NXPE2: variants seen among roughly 807,000 people sequenced by gnomAD.
The protein encoded by NXPE2 is neurexophilin and PC-esterase domain family member 2, also known as NXPE family member 2.
NXPE2 carries 34 observed loss-of-function variants against 34.4 expected under a neutral mutation model. The ratio of observed to expected loss-of-function variants is 0.99; its 90% CI spans 0.75 to 1.31. The LOEUF is 1.31. Among genes scored for constraint, NXPE2 ranks in the 40% most tolerant of loss-of-function variants. NXPE2 has a pLI of 0.00. For synonymous variants in NXPE2, 235 were observed against 231.3 expected (o/e 1.02, Z -0.15); for missense variants, 649 against 672.5 (o/e 0.97, Z 0.39).
the NXPE2 span, among the ~76,000 whole-genome samples, chr11:114,654,227 A>G: frequency 6.6e-6 from 1 of 152,060 alleles, no homozygotes; most frequent in Admixed American, 6.5e-5. Context: ...AGAGAAAAAC[A>G]CATCCAAAGC....
At chr11:114,525,772 G>A in the NXPE2 span, among the ~76,000 whole-genome samples, 1 of 152,186 alleles carries the variant, frequency 6.6e-6, no homozygotes, top group Non-Finnish European at 1.5e-5. Flanking sequence ...ACCATTTAGT[G>A]AAGTGTATAT....
chr11:114,620,732 A>T, the NXPE2 span, among the ~76,000 whole-genome samples: 9 of 151,740 alleles, frequency 5.9e-5, no homozygotes, highest in South Asian at 1.7e-3. Context: ...GGGTAACCAC[A>T]GTTACCCGAT....
At chr11:114,526,082 C>T in the NXPE2 span, among the ~76,000 whole-genome samples, 1 of 152,118 alleles carries the variant, frequency 6.6e-6, no homozygotes, top group African/African-American at 2.4e-5. Flanking sequence ...AAAGATGTGA[C>T]AGGAAAACTT....
At chr11:114,551,126 T>C in the NXPE2 span, 1 of 1,529,468 alleles carries the variant, frequency 6.5e-7, no homozygotes, top group Non-Finnish European at 8.8e-7. Context: ...TGAGAAATTA[T>C]AAAAATCATC....
chr11:114,601,763 G>T, the NXPE2 span, among the ~76,000 whole-genome samples: 2 of 66,772 alleles, frequency 3.0e-5, no homozygotes, highest in Admixed American at 2.8e-4. Flanking sequence ...ATATATATGT[G>T]ATTATATATT....
At chr11:114,607,318 T>C in the NXPE2 span, among the ~76,000 whole-genome samples, 66 of 139,220 alleles carry the variant, frequency 4.7e-4, no homozygotes, top group East Asian at 0.015. Flanking sequence ...TGGGTCACCA[T>C]TGTTAGCCCG....
At chr11:114,485,271 C>T in the NXPE2 span, among the ~76,000 whole-genome samples, 2,454 of 151,838 alleles carry the variant, frequency 0.016, 67 homozygotes, top group African/African-American at 0.056. Context: ...TGTAGTGGCA[C>T]GATCTTGGCT....
chr11:114,706,204 C>T (rs1329331617), intron 5 of NXPE2, among the ~76,000 whole-genome samples, 191 bp from the exon 6 acceptor site: 1 of 151,712 alleles, frequency 6.6e-6, no homozygotes, highest in East Asian at 1.9e-4. Flanking sequence ...TTTTCTTCCT[C>T]TTCATGTATT....
chr11:114,553,928 T>C, the NXPE2 span: 2 of 985,290 alleles, frequency 2.0e-6, no homozygotes, highest in African/African-American at 3.5e-5. Context: ...GATTTTTGTT[T>C]TTGTTTTCTG....
the NXPE2 span, among the ~76,000 whole-genome samples, chr11:114,805,044 T>C: frequency 6.6e-6 from 1 of 152,118 alleles, no homozygotes; most frequent in Admixed American, 6.6e-5. Context: ...GATTTCTCTC[T>C]TGTAGCTGCT....
the NXPE2 span, among the ~76,000 whole-genome samples, chr11:114,644,518 A>T: frequency 6.6e-6 from 1 of 152,178 alleles, no homozygotes; most frequent in African/African-American, 2.4e-5. Context: ...AACTTACTAA[A>T]AATGTAATAG....
chr11:114,714,008 CAT>C, the NXPE2 span, among the ~76,000 whole-genome samples: 1 of 152,212 alleles, frequency 6.6e-6, no homozygotes, highest in Non-Finnish European at 1.5e-5. Flanking sequence ...AAATCATTTC[CAT>C]CTACTATAAA....
the NXPE2 span, among the ~76,000 whole-genome samples, chr11:114,810,628 C>G: frequency 6.6e-6 from 1 of 151,752 alleles, no homozygotes; most frequent in Non-Finnish European, 1.5e-5. Context: ...CAAATCAAAA[C>G]CACAATGAGA....
At chr11:114,620,862 C>T in the NXPE2 span, among the ~76,000 whole-genome samples, 1 of 152,016 alleles carries the variant, frequency 6.6e-6, no homozygotes. Flanking sequence ...ACCACTGTTA[C>T]CCGATGGATA....
the NXPE2 span, among the ~76,000 whole-genome samples, chr11:114,550,388 G>A: frequency 1.3e-5 from 2 of 152,038 alleles, no homozygotes; most frequent in Non-Finnish European, 2.9e-5. Flanking sequence ...AAAAGACAAT[G>A]TAACAGAATT....
At chr11:114,685,859 T>C (rs1297493496) in intron 2 of NXPE2, among the ~76,000 whole-genome samples, 2 of 152,134 alleles carry the variant, frequency 1.3e-5, no homozygotes, top group Non-Finnish European at 2.9e-5. Flanking sequence ...CATAATATTC[T>C]TGACATGACA....
chr11:114,527,907 A>G, the NXPE2 span: 22 of 1,505,994 alleles, frequency 1.5e-5, 1 homozygote, highest in South Asian at 2.2e-4. Flanking sequence ...TGGACCTTCA[A>G]AAAAAAAATA....
chr11:114,650,084 C>T, the NXPE2 span, among the ~76,000 whole-genome samples: 1 of 152,086 alleles, frequency 6.6e-6, no homozygotes, highest in Non-Finnish European at 1.5e-5. Flanking sequence ...GAAAAAAAAT[C>T]CAGGTAATAT....
chr11:114,770,454 G>A, the NXPE2 span, among the ~76,000 whole-genome samples: 1 of 152,214 alleles, frequency 6.6e-6, no homozygotes, highest in Non-Finnish European at 1.5e-5. Flanking sequence ...GCTGCTACCA[G>A]GTGTCCAGAG....
Sources: allele counts gnomAD v4.1 joint callset (sites outside exome capture counted in the v4.1 genomes callset), GRCh38; gene constraint gnomAD v4.1.1; transcripts MANE v1.5; gene names NCBI Gene and HGNC (gene_info 2026-07-23, HGNC 2026-07-21).